Variants in INKA2 observed in about 807,000 individuals in gnomAD.
The protein encoded by INKA2 is PAK4-inhibitor INKA2.
In INKA2, 3 loss-of-function variants were observed where a neutral mutation model predicts 9.8. The ratio of observed to expected loss-of-function variants is 0.31; its 90% confidence interval spans 0.14 to 0.79. The LOEUF (loss-of-function observed/expected upper bound fraction) is 0.79. Among genes scored for constraint, INKA2 ranks in the 30% least tolerant of loss-of-function variants. The probability of loss-of-function intolerance (pLI) is 0.62; values close to 1 mark genes in which losing one functional copy is unlikely to be tolerated. For synonymous variants in INKA2, 147 were observed against 143.3 expected (o/e 1.03, Z -0.18); for missense variants, 392 against 384.4 (o/e 1.02, Z -0.17).
At chr1:111,737,156 TCAGA>T (rs750098804) in intron 1 of INKA2, among the ~76,000 whole-genome samples, 2 of 152,148 alleles carry the variant, frequency 1.3e-5, no homozygotes, top group Non-Finnish European at 2.9e-5. Context: ...CTGAAGCTGC[TCAGA>T]CAAAGGGCCA....
At chr1:111,739,424 C>A, upstream of INKA2, 1 of 1,461,510 alleles carries the variant, frequency 6.8e-7, no homozygotes, top group South Asian at 1.4e-5. Context: ...CGCGCGCGGT[C>A]GGTGCTGGGG....
Position 111,723,471 on chromosome 1 carries a change from C to A in INKA2, c.*3497G>T. 8.1e-6 allele frequency: 2 copies of A among 247,176 alleles called. No homozygotes were observed. Among genetic ancestry groups the A allele is most frequent in the Non-Finnish European group, 7.8e-6 (1 of 128,828 alleles). 15.3% of individuals were successfully genotyped at this position (247,176 alleles called of 1,614,324 possible). ...GGACTCTTTTCTGTTCCCTGGGCCA[C>A]AAAGAAGCAGGTGGAACCTTCCACA... On this transcript the variant is annotated 3_prime_UTR_variant, in exon 2 of 2. Coordinates refer to ENST00000357260, the MANE Select transcript of INKA2 (RefSeq NM_019099.5).
At chr1:111,745,265 T>TTTTATATATATATATATATATATATATA (rs1553232613) in intron 1 of INKA2, 1 of 45,118 alleles carries the variant, frequency 2.2e-5, no homozygotes, top group Non-Finnish European at 4.0e-5. Flanking sequence ...CACAGAGATA[T>TTTTATATATATATATATATATATATATA]TATATATATA....
chr1:111,745,748 G>A (rs536644870), intron 1 of INKA2: 1 of 152,288 alleles, frequency 6.6e-6, no homozygotes, highest in African/African-American at 2.4e-5. Flanking sequence ...ACTCTCCTGG[G>A]ACATTCTGTA....
chr1:111,755,157 CGGAGGCGGATGCAT>C (rs775602475), intron 1 of INKA2: 289 of 158,756 alleles, frequency 1.8e-3, no homozygotes, highest in Non-Finnish European at 2.4e-3. Context: ...GAGGCGGATG[CGGAGGCGGATGCAT>C]GGAGGCGGAT....
At chr1:111,735,815 T>C (rs1339867977) in intron 1 of INKA2, among the ~76,000 whole-genome samples, 4 of 152,184 alleles carry the variant, frequency 2.6e-5, no homozygotes, top group Admixed American at 6.5e-5. Flanking sequence ...TTGTGGCCAC[T>C]AAAAGCTAGA....
rs1425327425 is a variant in INKA2 at position 111,727,571 on chromosome 1, A to T, written c.291T>A (p.Pro97=). 1.9e-6 allele frequency: 3 copies of T among 1,612,874 alleles called. No homozygotes were observed. The highest frequency in any genetic ancestry group is 2.5e-6 in the Non-Finnish European group (3 of 1,179,360). The change falls in exon 2 of 2, where the codon CCT becomes CCA. Residue 97 remains proline, a synonymous_variant. Coordinates refer to ENST00000357260, the MANE Select transcript of INKA2 (RefSeq NM_019099.5). ...RPTVCSPSSQ[P]SLGSSTKFPS... ...GAAACTTGGTGCTGCTGCCAAGAGA[A>T]GGTTGACTGGAGGGGGAACAGACTG...
intron 1 of INKA2, among the ~76,000 whole-genome samples, chr1:111,728,919 T>TTTTTTTTTTA (rs57795056): frequency 6.7e-6 from 1 of 150,356 alleles, no homozygotes; most frequent in African/African-American, 2.5e-5. Flanking sequence ...TTTTTTTTTT[T>TTTTTTTTTTA]CAAACAGGGT....
In INKA2 at chr1:111,724,878, C is replaced by T. The variant is rs197429; in HGVS notation, c.*2090G>A. ...AGCAGCCTAATCGGGGCAGTTTACA[C>T]GCCCCCTAATAACCTCCATAGATGT... On this transcript the variant is annotated 3_prime_UTR_variant, in exon 2 of 2. Transcript: ENST00000357260. 0.31 allele frequency: 46,354 copies of T among 151,938 alleles called. 7,444 individuals carry two copies. The highest frequency in any genetic ancestry group is 0.43 in the African/African-American group (17,598 of 41,368). 9.4% of individuals were successfully genotyped at this position (151,938 alleles called of 1,614,324 possible).
In INKA2 at chr1:111,724,727, G is replaced by C. The variant is rs78431345; in HGVS notation, c.*2241C>G. On this transcript the variant is annotated 3_prime_UTR_variant, in exon 2 of 2. Transcript: ENST00000357260. ...GGGAAGACACAAAGGATTTGCAGTG[G>C]CTGGCTCCACCAGAGTGGGCTTGCT... 0.02 allele frequency: 3,077 copies of C among 152,428 alleles called. 56 individuals are homozygous for C. Among genetic ancestry groups the C allele is most frequent in the East Asian group, 0.069 (355 of 5,168 alleles). The allele number at this position is 152,428 out of a possible 1,614,324, so 9.4% of individuals were successfully genotyped here.
At chr1:111,741,484 A>G (rs1663150253), upstream of INKA2, among the ~76,000 whole-genome samples, 1 of 152,226 alleles carries the variant, frequency 6.6e-6, no homozygotes, top group African/African-American at 2.4e-5. Context: ...CCAAGGACAC[A>G]GCTGTGGTTT....
At chr1:111,752,009 G>T (rs1352408290) in intron 1 of INKA2, among the ~76,000 whole-genome samples, 1 of 151,504 alleles carries the variant, frequency 6.6e-6, no homozygotes, top group Non-Finnish European at 1.5e-5. Context: ...ATGCCAGATA[G>T]TGTGGCAGCT....
At chr1:111,752,355 T>C (rs898089806) in intron 1 of INKA2, among the ~76,000 whole-genome samples, 1 of 152,260 alleles carries the variant, frequency 6.6e-6, no homozygotes, top group African/African-American at 2.4e-5. Context: ...TTGACTTCAG[T>C]AGCACCCTGC....
intron 1 of INKA2, chr1:111,755,490 A>T: frequency 1.7e-6 from 1 of 582,168 alleles, no homozygotes; most frequent in East Asian, 3.1e-5. Context: ...GTTGGGGAAG[A>T]GGTGGCCGCG....
At chr1:111,739,477 T>G (rs1216247018), upstream of INKA2, 1 of 1,371,782 alleles carries the variant, frequency 7.3e-7, no homozygotes, top group Admixed American at 3.0e-5. Context: ...TCAGGGGGGC[T>G]GTCTTCAGCC....
chr1:111,727,462 C>G lies in INKA2; in HGVS notation c.400G>C (p.Glu134Gln). Residue 134 changes from glutamate to glutamine, a missense_variant, in exon 2 of 2, where the codon GAG (glutamate) becomes CAG (glutamine). Coordinates refer to ENST00000357260, the MANE Select transcript of INKA2 (RefSeq NM_019099.5). ...GTCCAGTCATCCGGTTCCACTCGCTCTGGCCCCTGCTGAGCACAGCTTTGA... is the reference window on the plus strand; with the variant it reads ...GTCCAGTCATCCGGTTCCACTCGCTGTGGCCCCTGCTGAGCACAGCTTTGA... ...PHQSCAQQGP[E>Q]RVEPDDWTST... 1.2e-6 allele frequency: 2 copies of G among 1,614,250 alleles called. No homozygotes were observed. The highest frequency in any genetic ancestry group is 1.7e-6 in the Non-Finnish European group (2 of 1,180,050).
Position 111,722,959 on chromosome 1 carries a change from C to A in INKA2, c.*4009G>T. 2 of 647,700 alleles carry A rather than the reference C, an allele frequency of 3.1e-6. No individual in the cohort carries two copies. The highest frequency in any genetic ancestry group is 1.7e-5 in the South Asian group (1 of 58,722). 40.1% of individuals were successfully genotyped at this position (647,700 alleles called of 1,614,324 possible). A position where few individuals can be genotyped will look rare whatever the true frequency, so the allele number is the denominator to read the frequency against. On this transcript the variant is annotated 3_prime_UTR_variant, in exon 2 of 2. Coordinates refer to ENST00000357260, the MANE Select transcript of INKA2 (RefSeq NM_019099.5). Reference sequence around the variant, plus strand: ...TTATGTCCTTTAAATCTCACAGCAGCCCCACATTATCACCTTTCACAGATG... The same window carrying A: ...TTATGTCCTTTAAATCTCACAGCAGACCCACATTATCACCTTTCACAGATG...
Position 111,722,836 on chromosome 1 carries a change from C to T in INKA2, c.*4132G>A. 1 of 476,506 alleles carries T rather than the reference C, an allele frequency of 2.1e-6. No homozygotes were observed. 29.5% of individuals were successfully genotyped at this position (476,506 alleles called of 1,614,324 possible). A position where few individuals can be genotyped will look rare whatever the true frequency, so the allele number is the denominator to read the frequency against. On this transcript the variant is annotated 3_prime_UTR_variant, in exon 2 of 2. Transcript: ENST00000357260. ...AGCACTTTTTCTTAAGCACTTTTGC[C>T]TTGGGTCACATGGTTAGTGCCTCTA...
At chr1:111,742,885 T>A (rs1205562012), upstream of INKA2, among the ~76,000 whole-genome samples, 1 of 152,238 alleles carries the variant, frequency 6.6e-6, no homozygotes, top group African/African-American at 2.4e-5. Flanking sequence ...ACTTACGTAT[T>A]CCCTTGCTTC....
Sources: allele counts gnomAD v4.1 joint callset (sites outside exome capture counted in the v4.1 genomes callset), GRCh38; gene constraint gnomAD v4.1.1; transcripts MANE v1.5; gene names NCBI Gene and HGNC (gene_info 2026-07-23, HGNC 2026-07-21).